Variants in MDGA2 observed in about 807,000 individuals in gnomAD.
The protein encoded by MDGA2 is MAM domain-containing glycosylphosphatidylinositol anchor protein 2.
A neutral mutation model predicts 117.8 loss-of-function variants in MDGA2; 40 were observed. The observed-to-expected ratio is 0.34, with a 90% CI of 0.26 to 0.44. MDGA2 has a LOEUF of 0.44. MDGA2 is among the 20% of genes least tolerant of loss of function. The pLI is 1.00. For missense variants in MDGA2, 1,123 were observed against 1,250.6 expected (o/e 0.90, Z 1.54); for synonymous variants, 452 against 439.0 (o/e 1.03, Z -0.37).
chr14:47,607,429 G>A (rs1441053026), intron 1 of MDGA2, among the ~76,000 whole-genome samples: 1 of 152,002 alleles, frequency 6.6e-6, no homozygotes, highest in African/African-American at 2.4e-5. Context: ...GGTTATTTTA[G>A]TTGCTATATA....
At chr14:47,182,851 T>C (rs1049146767) in intron 3 of MDGA2, among the ~76,000 whole-genome samples, 8 of 152,216 alleles carry the variant, frequency 5.3e-5, no homozygotes, top group Non-Finnish European at 1.2e-4. Flanking sequence ...TGGGTTTTTT[T>C]GGGAAACTTT....
intron 1 of MDGA2, among the ~76,000 whole-genome samples, chr14:47,343,772 T>C (rs1890700974): frequency 6.6e-6 from 1 of 152,162 alleles, no homozygotes; most frequent in African/African-American, 2.4e-5. Flanking sequence ...GCCTTTTTTT[T>C]CTTCTGTATT....
intron 3 of MDGA2, among the ~76,000 whole-genome samples, chr14:47,157,508 T>A (rs936425285): frequency 2.0e-5 from 3 of 152,190 alleles, no homozygotes; most frequent in African/African-American, 7.2e-5. Flanking sequence ...CCAGGATTTT[T>A]CTTTTACCTC....
chr14:47,514,899 G>A (rs572384934), intron 1 of MDGA2, among the ~76,000 whole-genome samples: 1 of 152,212 alleles, frequency 6.6e-6, no homozygotes, highest in East Asian at 1.9e-4. Flanking sequence ...GCCAGCAGGG[G>A]ACCAGTGGCC....
At chr14:47,098,494 C>A (rs1880113874) in intron 5 of MDGA2, among the ~76,000 whole-genome samples, 1 of 151,416 alleles carries the variant, frequency 6.6e-6, no homozygotes, top group Non-Finnish European at 1.5e-5. Context: ...GGGAAATGCA[C>A]ATCATGAAAA....
intron 10 of MDGA2, among the ~76,000 whole-genome samples, chr14:46,902,087 C>A (rs1246066393): frequency 3.9e-5 from 6 of 152,078 alleles, no homozygotes; most frequent in Non-Finnish European, 8.8e-5. Flanking sequence ...CTCATTTTCC[C>A]CTTGTTTTAC....
At chr14:46,933,978 G>GT (rs1432067987) in intron 9 of MDGA2, among the ~76,000 whole-genome samples, 1 of 150,860 alleles carries the variant, frequency 6.6e-6, no homozygotes, top group Non-Finnish European at 1.5e-5. Context: ...AAAAATATGA[G>GT]TAATACATGT....
In MDGA2 at chr14:47,628,240, G is replaced by A. The variant is rs1447228930; in HGVS notation, c.280+46277C>T. ...ATCCATTTTTATGCAAATTGCTCTT[G>A]CATGGCATATTTTGCTTTTCTTTCA... On this transcript the variant is annotated intron_variant, in intron 1 of 16. Coordinates refer to ENST00000399232, the MANE Select transcript of MDGA2 (RefSeq NM_001113498.3). 2.0e-5 allele frequency among the ~76,000 whole-genome samples: 3 copies of A among 152,074 alleles called. No individual in the cohort carries two copies. The East Asian group carries it at 5.8e-4, about 29-fold the overall frequency.
At chr14:47,172,904 A>C (rs925611138) in intron 3 of MDGA2, among the ~76,000 whole-genome samples, 15 of 152,266 alleles carry the variant, frequency 9.9e-5, no homozygotes, top group African/African-American at 3.6e-4. Context: ...ACTTCGAAAA[A>C]AATTTAGACG....
intron 8 of MDGA2, among the ~76,000 whole-genome samples, chr14:47,018,650 CT>C (rs144376111): frequency 0.15 from 21,448 of 141,170 alleles, 1,722 homozygotes; most frequent in South Asian, 0.28. Flanking sequence ...TCACAGGAGA[CT>C]TGGAGTTTCC....
intron 10 of MDGA2, among the ~76,000 whole-genome samples, chr14:46,883,158 G>GA (rs1882531119): frequency 6.6e-6 from 1 of 151,978 alleles, no homozygotes; most frequent in Non-Finnish European, 1.5e-5. Flanking sequence ...GTACAAGAAA[G>GA]AAAAACTTAT....
intron 2 of MDGA2, among the ~76,000 whole-genome samples, chr14:47,235,973 A>T (rs1369641937): frequency 1.3e-5 from 2 of 152,154 alleles, no homozygotes; most frequent in Non-Finnish European, 2.9e-5. Context: ...AGGGTCAAGA[A>T]GCAGAGAGTC....
intron 2 of MDGA2, among the ~76,000 whole-genome samples, chr14:47,279,185 T>A (rs1888396424): frequency 6.6e-6 from 1 of 152,196 alleles, no homozygotes; most frequent in South Asian, 2.1e-4. Flanking sequence ...ATTTCCAAAT[T>A]GATTAAAAAT....
chr14:47,506,044 A>T (rs1472843941), intron 1 of MDGA2, among the ~76,000 whole-genome samples: 1 of 152,180 alleles, frequency 6.6e-6, no homozygotes, highest in Non-Finnish European at 1.5e-5. Flanking sequence ...AACTACTAAA[A>T]TACAGAGTTA....
At chr14:47,225,613 G>A (rs1886462501) in intron 2 of MDGA2, among the ~76,000 whole-genome samples, 1 of 150,572 alleles carries the variant, frequency 6.6e-6, no homozygotes, top group Admixed American at 6.6e-5. Context: ...ATTGAACAAT[G>A]AGAACACGTG....
At chr14:47,332,286 C>G (rs1481326910) in intron 1 of MDGA2, among the ~76,000 whole-genome samples, 1 of 152,032 alleles carries the variant, frequency 6.6e-6, no homozygotes, top group East Asian at 1.9e-4. Context: ...GGTTTGCATT[C>G]AGAAACTGGC....
chr14:47,087,375 G>A (rs1452186985), intron 6 of MDGA2, among the ~76,000 whole-genome samples: 1 of 148,762 alleles, frequency 6.7e-6, no homozygotes, highest in African/African-American at 2.5e-5. Context: ...AAATTAGCCA[G>A]GCATGGTGGC....
intron 14 of MDGA2, among the ~76,000 whole-genome samples, chr14:46,866,735 A>C (rs1322318845): frequency 1.3e-5 from 2 of 152,084 alleles, no homozygotes; most frequent in East Asian, 3.9e-4. Flanking sequence ...GGCGAAGGAC[A>C]TGAACAGACA....
intron 8 of MDGA2, among the ~76,000 whole-genome samples, chr14:47,013,062 C>T (rs1003287708): frequency 7.9e-5 from 12 of 152,066 alleles, no homozygotes; most frequent in East Asian, 1.9e-4. Context: ...TAACCACCAC[C>T]GGCCTGTGGC....
Sources: gnomAD v4.1 joint callset for allele counts (sites outside exome capture counted in the v4.1 genomes callset) on GRCh38, gnomAD v4.1.1 for gene constraint, MANE v1.5 for transcripts, NCBI Gene and HGNC (gene_info 2026-07-23, HGNC 2026-07-21) for gene names.